FHIT: variants seen among roughly 807,000 people sequenced by gnomAD.
FHIT encodes the protein fragile histidine triad diadenosine triphosphatase, also known as bis(5'-adenosyl)-triphosphatase.
FHIT carries 19 observed loss-of-function variants against 17.9 expected under a neutral mutation model. The observed-to-expected ratio is 1.06, with a 90% confidence interval of 0.74 to 1.56. The LOEUF (loss-of-function observed/expected upper bound fraction) is 1.56, where lower values mean the gene tolerates loss of function less well. FHIT is among the 40% of genes most tolerant of loss of function. The pLI, the probability that FHIT is intolerant of heterozygous loss-of-function variation, is 0.00. For missense variants in FHIT, 248 were observed against 189.2 expected, an observed-to-expected ratio of 1.31 and a Z score of -1.82; for synonymous variants, 81 against 69.7, an observed-to-expected ratio of 1.16 and a Z score of -0.81.
chr3:60,160,136 G>GTGTGTC (rs1411331649), intron 5 of FHIT, among the ~76,000 whole-genome samples: 3,030 of 142,686 alleles, frequency 0.021, 122 homozygotes, highest in African/African-American at 0.071. Flanking sequence ...GTGTGTGTGT[G>GTGTGTC]TGTGTGTCTG....
At chr3:60,516,629 T>C (rs2107554959) in intron 5 of FHIT, among the ~76,000 whole-genome samples, 1 of 152,330 alleles carries the variant, frequency 6.6e-6, no homozygotes, top group South Asian at 2.1e-4. Flanking sequence ...AAAATGGAGA[T>C]ACCAACAGTA....
At chr3:60,230,867 C>T (rs548186261) in intron 5 of FHIT, among the ~76,000 whole-genome samples, 2 of 152,304 alleles carry the variant, frequency 1.3e-5, no homozygotes, top group Non-Finnish European at 2.9e-5. Flanking sequence ...TAAACCACCA[C>T]GTCTGGCTAA....
At chr3:60,923,956 C>A (rs528045036) in intron 3 of FHIT, among the ~76,000 whole-genome samples, 1 of 152,182 alleles carries the variant, frequency 6.6e-6, no homozygotes, top group Non-Finnish European at 1.5e-5. Flanking sequence ...GAGCCTCCCT[C>A]ATTGCTAGGA....
At chr3:60,709,214 T>C (rs948332167) in intron 4 of FHIT, among the ~76,000 whole-genome samples, 2 of 152,246 alleles carry the variant, frequency 1.3e-5, no homozygotes, top group Non-Finnish European at 2.9e-5. Flanking sequence ...ACCAATTACA[T>C]GTAAATATAC....
intron 5 of FHIT, among the ~76,000 whole-genome samples, chr3:60,109,128 G>A (rs552864570): frequency 3.9e-4 from 56 of 144,514 alleles, no homozygotes; most frequent in African/African-American, 1.3e-3. Flanking sequence ...AGAGGGGGAC[G>A]GGGGTAGGGG....
At chr3:60,406,681 G>T (rs1347176170) in intron 5 of FHIT, among the ~76,000 whole-genome samples, 4 of 146,890 alleles carry the variant, frequency 2.7e-5, no homozygotes, top group Non-Finnish European at 6.0e-5. Flanking sequence ...ATGGTGGGGG[G>T]TGGTGTGGGG....
intron 7 of FHIT, among the ~76,000 whole-genome samples, chr3:59,981,530 G>A (rs1452949923): frequency 6.6e-6 from 1 of 152,100 alleles, no homozygotes; most frequent in Non-Finnish European, 1.5e-5. Context: ...ATTACACACA[G>A]ATTCCCACAG....
chr3:60,601,036 C>A (rs1217732096), intron 4 of FHIT, among the ~76,000 whole-genome samples: 1 of 152,152 alleles, frequency 6.6e-6, no homozygotes, highest in Non-Finnish European at 1.5e-5. Flanking sequence ...AGCAGCCCTG[C>A]CAGCAGAGGC....
At chr3:59,865,988 G>A (rs903568144) in intron 8 of FHIT, among the ~76,000 whole-genome samples, 6 of 152,140 alleles carry the variant, frequency 3.9e-5, no homozygotes, top group Admixed American at 3.9e-4. Context: ...TATGAAAGAT[G>A]GCACATGAAA....
At chr3:60,483,260 AC>A (rs772509635) in intron 5 of FHIT, among the ~76,000 whole-genome samples, 16 of 152,158 alleles carry the variant, frequency 1.1e-4, no homozygotes, top group Non-Finnish European at 1.3e-4. Flanking sequence ...ACAAAGAGGA[AC>A]TGGTGTCATT....
At chr3:60,741,031 A>C (rs2108008928) in intron 4 of FHIT, among the ~76,000 whole-genome samples, 1 of 152,354 alleles carries the variant, frequency 6.6e-6, no homozygotes, top group South Asian at 2.1e-4. Flanking sequence ...CCCAGAAAAA[A>C]AGTCCAGGGA....
chr3:60,616,597 A>C (rs2038958460), intron 4 of FHIT, among the ~76,000 whole-genome samples: 1 of 150,488 alleles, frequency 6.6e-6, no homozygotes, highest in Non-Finnish European at 1.5e-5. Flanking sequence ...TAATGCCAAA[A>C]ATTTAAATAC....
intron 4 of FHIT, among the ~76,000 whole-genome samples, chr3:60,660,726 G>GTTT (rs2040220625): frequency 6.8e-5 from 1 of 14,790 alleles, no homozygotes; most frequent in African/African-American, 1.8e-4. Flanking sequence ...CTTTTATTGT[G>GTTT]CTCTTTTTTT....
chr3:60,112,970 A>G (rs1375602899), intron 5 of FHIT, among the ~76,000 whole-genome samples: 2 of 152,226 alleles, frequency 1.3e-5, no homozygotes, highest in East Asian at 3.8e-4. Context: ...TGATTGGCTC[A>G]GATGGACAAT....
chr3:61,009,738 T>C (rs1313449024), intron 3 of FHIT, among the ~76,000 whole-genome samples: 3 of 152,000 alleles, frequency 2.0e-5, no homozygotes, highest in African/African-American at 7.3e-5. Flanking sequence ...TTTGGTATTA[T>C]TAAGAAAAAT....
intron 8 of FHIT, among the ~76,000 whole-genome samples, chr3:59,890,769 C>T (rs1008370007): frequency 6.6e-6 from 1 of 152,136 alleles, no homozygotes; most frequent in South Asian, 2.1e-4. Flanking sequence ...TATCTCTCTT[C>T]CGTTAGTTTC....
chr3:60,182,343 A>G (rs776553018), intron 5 of FHIT, among the ~76,000 whole-genome samples: 2 of 152,192 alleles, frequency 1.3e-5, no homozygotes, highest in African/African-American at 2.4e-5. Flanking sequence ...CCAAATATCA[A>G]TGATTCCATG....
At chr3:60,292,094 C>T (rs1038759759) in intron 5 of FHIT, among the ~76,000 whole-genome samples, 24 of 152,092 alleles carry the variant, frequency 1.6e-4, no homozygotes, top group Non-Finnish European at 7.4e-5. Context: ...TGAGAGCCAC[C>T]ACTTGAAGCT....
At chr3:60,687,360 T>C (rs1439130107) in intron 4 of FHIT, among the ~76,000 whole-genome samples, 1 of 152,132 alleles carries the variant, frequency 6.6e-6, no homozygotes, top group Admixed American at 6.6e-5. Flanking sequence ...TACATAGAGT[T>C]CTTACTCTCC....
Sources: gnomAD v4.1 joint callset for allele counts (sites outside exome capture counted in the v4.1 genomes callset) on GRCh38, gnomAD v4.1.1 for gene constraint, MANE v1.5 for transcripts, NCBI Gene and HGNC (gene_info 2026-07-23, HGNC 2026-07-21) for gene names.